Variants in ANXA8L1 observed in about 807,000 individuals in gnomAD.
The protein encoded by ANXA8L1 is annexin A8-like protein 1.
Under a neutral mutation model 22.5 loss-of-function variants are expected in ANXA8L1, and 10 were observed. That is an observed-to-expected ratio of 0.44 (90% confidence interval 0.27 to 0.75). The LOEUF is 0.75. Ranked by LOEUF, ANXA8L1 falls within the 30% of genes least tolerant of loss-of-function variation. The pLI, the probability that ANXA8L1 is intolerant of heterozygous loss-of-function variation, is 0.15. For missense variants in ANXA8L1, 88 were observed against 219.6 expected, an observed-to-expected ratio of 0.40 and a Z score of 3.79; for synonymous variants, 36 against 86.0, an observed-to-expected ratio of 0.42 and a Z score of 3.22.
At chr10:46,381,334 G>C in intron 3 of ANXA8L1, 94 bp downstream of exon 3, 2 of 899,368 alleles carry the variant, frequency 2.2e-6, no homozygotes, top group South Asian at 2.9e-5. Context: ...CTTTCCCCTA[G>C]AGCCAGCCCA....
At chr10:46,384,650 G>A in intron 6 of ANXA8L1, 124 bp from the exon 7 acceptor site, 1 of 1,546,306 alleles carries the variant, frequency 6.5e-7, no homozygotes, top group Non-Finnish European at 8.9e-7. Context: ...TAACTGGCTT[G>A]TCGAAGTTTC....
Position 46,384,745 on chromosome 10 carries a change from C to T in ANXA8L1, c.493-29C>T, listed in dbSNP as rs3013885. 1,838 of 1,612,958 alleles carry T rather than the reference C, an allele frequency of 1.1e-3. 77 individuals are homozygous for T. In the African/African-American group the frequency reaches 0.021, roughly 19 times the overall value. Reference sequence around the variant, plus strand: ...CTTAATGCTCTGGTCAGCTGGCCTGCCTTACAGAGCCACCTCCTCTGTTCC... The same window carrying T: ...CTTAATGCTCTGGTCAGCTGGCCTGTCTTACAGAGCCACCTCCTCTGTTCC... On this transcript the variant is annotated intron_variant, in intron 6 of 11. Transcript: ENST00000619162.
At chr10:46,377,989 G>A (rs1839950135) in intron 1 of ANXA8L1, among the ~76,000 whole-genome samples, 1 of 110,160 alleles carries the variant, frequency 9.1e-6, no homozygotes, top group Non-Finnish European at 1.9e-5. Flanking sequence ...AGGAGGTCTG[G>A]AGCTCCAGGA....
At position 46,384,795 on chromosome 10, in the gene ANXA8L1, A is replaced by C. The variant is rs1349527111; in HGVS notation, c.514A>C (p.Ser172Arg). The change falls in exon 7 of 12, where the codon AGC (serine) becomes CGC (arginine). Residue 172 changes from serine (S) to arginine (R), a missense_variant. Physicochemically the swap from Ser to Arg is moderately radical, Grantham distance 110. Transcript: ENST00000619162. The part of the protein sequence containing the change: ...LLQGSRDDVS[S>R]FVDPALALQD... ...CTAGGGCAGCAGGGATGATGTGAGC[A>C]GCTTTGTGGACCCGGCACTGGCCCT... 2 of 1,613,116 alleles carry C rather than the reference A, an allele frequency of 1.2e-6. No homozygotes were observed. Among genetic ancestry groups the C allele is most frequent in the Middle Eastern group, 1.6e-4 (1 of 6,072 alleles).
chr10:46,384,689 T>C, intron 6 of ANXA8L1, 85 bp from the exon 7 acceptor site: 1 of 1,610,300 alleles, frequency 6.2e-7, no homozygotes, highest in South Asian at 1.1e-5. Context: ...GAGCCATGCC[T>C]ACCCTCCAAG....
At chr10:46,384,747 T>C in intron 6 of ANXA8L1, 27 bp from the exon 7 acceptor site, 1 of 1,613,040 alleles carries the variant, frequency 6.2e-7, no homozygotes, top group Non-Finnish European at 8.5e-7. Flanking sequence ...CTGGCCTGCC[T>C]TACAGAGCCA....
intron 1 of ANXA8L1, among the ~76,000 whole-genome samples, chr10:46,378,610 CAAGGGA>C: frequency 2.5e-5 from 2 of 80,392 alleles, no homozygotes; most frequent in Admixed American, 2.9e-4. Flanking sequence ...ACTCCACAAG[CAAGGGA>C]TATCGTGTGT....
intron 1 of ANXA8L1, among the ~76,000 whole-genome samples, chr10:46,376,659 T>C (rs1387190363): frequency 2.9e-5 from 4 of 136,704 alleles, no homozygotes; most frequent in Admixed American, 7.7e-5. Flanking sequence ...TCGGGAGCTT[T>C]CTGTCTATGG....
intron 4 of ANXA8L1, 36 bp downstream of exon 4, chr10:46,382,728 T>G (rs1588895951): frequency 9.1e-7 from 1 of 1,104,864 alleles, no homozygotes; most frequent in Non-Finnish European, 1.2e-6. Context: ...GTGGCAGGGG[T>G]GCTCACATGA....
chr10:46,378,143 C>A lies in ANXA8L1; in HGVS notation c.22-1742C>A, dbSNP rs1330220024. ...TACAAATGCTGCACCTGAGACCTAC[C>A]GCACCCCTGCGGGACTGCATGCTCC... is the stretch of plus-strand genomic sequence containing the variant. On this transcript the variant is annotated intron_variant, in intron 1 of 11. Coordinates refer to ENST00000619162, the MANE Select transcript of ANXA8L1 (RefSeq NM_001098845.3). Among the ~76,000 whole-genome samples the A allele has an allele frequency of 3.0e-5, 3 of 99,588 alleles. 1 individual carries two copies. Among genetic ancestry groups the A allele is most frequent in the African/African-American group, 1.3e-4 (3 of 23,202 alleles). 65.3% of individuals were successfully genotyped at this position (99,588 alleles called of 152,430 possible).
chr10:46,378,164 G>C (rs1839952525), intron 1 of ANXA8L1, among the ~76,000 whole-genome samples: 1 of 98,230 alleles, frequency 1.0e-5, no homozygotes, highest in African/African-American at 4.4e-5. Flanking sequence ...GGGACTGCAT[G>C]CTCCTCAGGG....
chr10:46,383,570 G>A (rs1253015955), intron 5 of ANXA8L1, 24 bp downstream of exon 5: 3 of 587,730 alleles, frequency 5.1e-6, no homozygotes, highest in East Asian at 3.1e-5. Flanking sequence ...CAGATGGAGG[G>A]GCTCAGGAGT....
In ANXA8L1 at chr10:46,375,900, G is replaced by T. The variant is rs1437088320; in HGVS notation, c.21+28G>T. ...AAGTGGGAGCTGGCAGGAGATTTGC[G>T]TTCCTGCATGGTGTTGGGTGCTGGT... is the stretch of plus-strand genomic sequence containing the variant. On this transcript the variant is annotated intron_variant, in intron 1 of 11. Transcript: ENST00000619162. 156 of 1,266,622 alleles carry T rather than the reference G, an allele frequency of 1.2e-4. 39 individuals are homozygous for T. Among genetic ancestry groups the T allele is most frequent in the Non-Finnish European group, 1.6e-4 (147 of 907,414 alleles). The allele number at this position is 1,266,622 out of a possible 1,614,324, so 78.5% of individuals were successfully genotyped here. A position where few individuals can be genotyped will look rare whatever the true frequency, so the allele number is the denominator to read the frequency against.
chr10:46,377,806 G>C, intron 1 of ANXA8L1, among the ~76,000 whole-genome samples: 1 of 122,572 alleles, frequency 8.2e-6, no homozygotes, highest in South Asian at 2.4e-4. Flanking sequence ...CCACGTAGCA[G>C]GGGAAGGCCA....
intron 11 of ANXA8L1, 56 bp from the exon 12 acceptor site, chr10:46,390,815 T>A: frequency 1.8e-6 from 2 of 1,095,372 alleles, no homozygotes; most frequent in East Asian, 4.9e-5. Context: ...CAGCCGCCAC[T>A]GCCGAGCCAG....
In ANXA8L1 at chr10:46,384,249, T is replaced by G; in HGVS notation, c.456T>G (p.Ser152Arg). The change falls in exon 6 of 12, where the codon AGT becomes AGG. Residue 152 changes from serine (S) to arginine (R), a missense_variant. Ser to Arg is a moderately radical substitution (Grantham distance 110, BLOSUM62 -1). Transcript: ENST00000619162. ...SLEEDIQADT[S>R]GYLERILVCL... Reference sequence around the variant, plus strand: ...AGGAGGACATCCAAGCAGACACAAGTGGCTACCTGGAGAGGATCCTGGTGT... The same window carrying G: ...AGGAGGACATCCAAGCAGACACAAGGGGCTACCTGGAGAGGATCCTGGTGT... The G allele has an allele frequency of 3.4e-6, 2 of 586,242 alleles. No individual in the cohort carries two copies. The highest frequency in any genetic ancestry group is 3.6e-5 in the South Asian group (2 of 55,024). The allele number at this position is 586,242 out of a possible 1,614,324, so 36.3% of individuals were successfully genotyped here.
rs1251932321 is a variant in ANXA8L1 at position 46,377,845 on chromosome 10, C to A, written c.21+1973C>A. Among the ~76,000 whole-genome samples the A allele has an allele frequency of 4.9e-5, 6 of 121,636 alleles. 1 individual carries two copies. The highest frequency in any genetic ancestry group is 1.4e-4 in the African/African-American group (4 of 28,958). 79.8% of individuals were successfully genotyped at this position (121,636 alleles called of 152,430 possible). A position where few individuals can be genotyped will look rare whatever the true frequency, so the allele number is the denominator to read the frequency against. The stretch of plus-strand genomic sequence containing the variant: ...CATGGCAGCTCCCCTGTGCCTGTCA[C>A]AGAACAAGTTATATTAATAGATGTA... On this transcript the variant is annotated intron_variant, in intron 1 of 11. Coordinates refer to ENST00000619162, the MANE Select transcript of ANXA8L1 (RefSeq NM_001098845.3).
chr10:46,390,888 C>G lies in ANXA8L1; in HGVS notation c.942C>G (p.Asp314Glu), dbSNP rs1840076567. Residue 314 changes from aspartate to glutamate, a missense_variant, in exon 12 of 12, where the codon GAC (aspartate) becomes GAG (glutamate). By Grantham distance (45) the Asp-to-Glu change is conservative (BLOSUM62 2). Coordinates refer to ENST00000619162, the MANE Select transcript of ANXA8L1 (RefSeq NM_001098845.3). ...ACCCACAGGAAGACACCAGCGGCGA[C>G]TACAAGAACGCCCTGCTGAGCCTGG... ...SSMIMEDTSGDYKNALLSLVG... is the reference protein window; with the variant it reads ...SSMIMEDTSGEYKNALLSLVG... 1 of 1,377,666 alleles carries G rather than the reference C, an allele frequency of 7.3e-7. No individual in the cohort carries two copies. Among genetic ancestry groups the G allele is most frequent in the Non-Finnish European group, 9.9e-7 (1 of 1,014,406 alleles). 85.3% of individuals were successfully genotyped at this position (1,377,666 alleles called of 1,614,324 possible).
At position 46,385,516 on chromosome 10, in the gene ANXA8L1, C is replaced by T. The variant is rs1291329897; in HGVS notation, c.646+43C>T. The T allele has an allele frequency of 5.7e-3, 7,434 of 1,298,956 alleles. 1,559 individuals are homozygous for T. Among genetic ancestry groups the T allele is most frequent in the East Asian group, 0.032 (1,403 of 44,400 alleles). 80.5% of individuals were successfully genotyped at this position (1,298,956 alleles called of 1,614,324 possible). On this transcript the variant is annotated intron_variant, in intron 8 of 11. Coordinates refer to ENST00000619162, the MANE Select transcript of ANXA8L1 (RefSeq NM_001098845.3). ...GCTGGGGCCGGGGCCACAGGGGTGT[C>T]CTGGCCATGAGCCTCTCCCTCGTGC...
Sources: gnomAD v4.1 joint callset for allele counts (sites outside exome capture counted in the v4.1 genomes callset) on GRCh38, gnomAD v4.1.1 for gene constraint, MANE v1.5 for transcripts, NCBI Gene and HGNC (gene_info 2026-07-23, HGNC 2026-07-21) for gene names.